Variants in MBD5 observed in about 807,000 individuals in gnomAD.
MBD5 encodes the protein methyl-CpG binding domain protein 5, also known as methyl-CpG-binding domain protein 5.
Under a neutral mutation model 117.3 loss-of-function variants are expected in MBD5, and 13 were observed. That is an observed-to-expected ratio of 0.11 (90% CI 0.07 to 0.18). The LOEUF (loss-of-function observed/expected upper bound fraction) is 0.18, where lower values mean the gene tolerates loss of function less well. Ranked by LOEUF, MBD5 falls within the 10% of genes least tolerant of loss-of-function variation. The pLI is 1.00. For synonymous variants in MBD5, 727 were observed against 766.4 expected (o/e 0.95, Z 0.85); for missense variants, 1,879 against 2,093.8 (o/e 0.90, Z 2.00).
chr2:148,419,569 G>A (rs1441705412), intron 4 of MBD5, among the ~76,000 whole-genome samples: 1 of 152,012 alleles, frequency 6.6e-6, no homozygotes, highest in Non-Finnish European at 1.5e-5. Context: ...TGCCACCAGT[G>A]TCATAACTAA....
Position 148,458,507 on chromosome 2 carries a change from T to TCCACACGACGCTGCCA in MBD5, c.-252_-251insCCACACGACGCTGCCA. ...TTCCTTAGTCAGAAGCACTCATTTT[T>TCCACACGACGCTGCCA]ACCCATGTAGACCATCCTTAGGAAT... On this transcript the variant is annotated 5_prime_UTR_variant, in exon 5 of 14. An upstream open reading frame in the 5' UTR loses its in-frame stop. Transcript: ENST00000642680. The TCCACACGACGCTGCCA allele has an allele frequency of 1.7e-6, 1 of 589,020 alleles. No individual in the cohort carries two copies. The allele number at this position is 589,020 out of a possible 1,614,324, so 36.5% of individuals were successfully genotyped here.
At chr2:148,147,643 T>G (rs1011695664) in intron 1 of MBD5, among the ~76,000 whole-genome samples, 1 of 152,172 alleles carries the variant, frequency 6.6e-6, no homozygotes, top group Non-Finnish European at 1.5e-5. Context: ...TTGCTATGTG[T>G]TTTTTGAGTT....
intron 1 of MBD5, among the ~76,000 whole-genome samples, chr2:148,086,138 CT>C (rs1048223559): frequency 1.3e-5 from 2 of 151,418 alleles, no homozygotes; most frequent in African/African-American, 4.9e-5. Context: ...ACTATATAGC[CT>C]TTCTAAAATT....
intron 2 of MBD5, among the ~76,000 whole-genome samples, chr2:148,228,046 T>C (rs1268458614): frequency 1.3e-5 from 2 of 152,262 alleles, no homozygotes; most frequent in African/African-American, 4.8e-5. Context: ...TACAATCATG[T>C]CCTCTGCAAA....
Position 148,499,711 on chromosome 2 carries a change from A to C in MBD5, c.4963-2725A>C, listed in dbSNP as rs1222882587. ...TTTCCTGGTCCTTTTTAAAATTTAC[A>C]AGTTAGCTAAGTAATTTACAAGGGA... On this transcript the variant is annotated intron_variant, in intron 11 of 13. Transcript: ENST00000642680. Among the ~76,000 whole-genome samples, 3 of 152,190 alleles carry C rather than the reference A, an allele frequency of 2.0e-5. No homozygotes were observed. The East Asian group carries it at 5.8e-4, about 29-fold the overall frequency.
At chr2:148,256,440 A>T (rs556008625) in intron 3 of MBD5, among the ~76,000 whole-genome samples, 4 of 152,210 alleles carry the variant, frequency 2.6e-5, no homozygotes, top group Non-Finnish European at 5.9e-5. Flanking sequence ...CATTTCCCAG[A>T]GGTCTTGCCA....
At chr2:148,030,065 G>C (rs2105580638) in intron 1 of MBD5, among the ~76,000 whole-genome samples, 1 of 152,280 alleles carries the variant, frequency 6.6e-6, no homozygotes, top group South Asian at 2.1e-4. Flanking sequence ...GAGGTCAGGA[G>C]TTCATGACCA....
intron 2 of MBD5, among the ~76,000 whole-genome samples, chr2:148,201,616 C>G (rs545023686): frequency 1.3e-5 from 2 of 152,096 alleles, no homozygotes; most frequent in East Asian, 1.9e-4. Flanking sequence ...CGCGTTCAGT[C>G]GGTCCGAAGT....
intron 4 of MBD5, among the ~76,000 whole-genome samples, chr2:148,381,243 C>G (rs1212348316): frequency 6.6e-6 from 1 of 152,100 alleles, no homozygotes. Flanking sequence ...GAATGGATAA[C>G]TAGAATAACC....
At chr2:148,189,064 C>T (rs958585549) in intron 2 of MBD5, among the ~76,000 whole-genome samples, 1 of 142,112 alleles carries the variant, frequency 7.0e-6, no homozygotes, top group African/African-American at 2.7e-5. Flanking sequence ...TAAGAAACGG[C>T]GCACCACGAG....
intron 4 of MBD5, among the ~76,000 whole-genome samples, chr2:148,400,010 G>C (rs1217575247): frequency 3.3e-5 from 5 of 152,088 alleles, no homozygotes; most frequent in East Asian, 3.9e-4. Context: ...AAGCCCACTT[G>C]ATCATGGTGG....
intron 1 of MBD5, among the ~76,000 whole-genome samples, chr2:148,101,214 G>T (rs1696207563): frequency 6.6e-6 from 1 of 152,132 alleles, no homozygotes; most frequent in South Asian, 2.1e-4. Flanking sequence ...GCTTTGGGAG[G>T]CTGAGGCAGG....
intron 3 of MBD5, among the ~76,000 whole-genome samples, chr2:148,297,720 T>G (rs1166291580): frequency 6.6e-6 from 1 of 152,202 alleles, no homozygotes; most frequent in African/African-American, 2.4e-5. Flanking sequence ...TCTGTTTTGT[T>G]TAATAACTGA....
intron 1 of MBD5, among the ~76,000 whole-genome samples, chr2:148,166,952 G>A (rs921976667): frequency 2.6e-5 from 4 of 151,754 alleles, no homozygotes; most frequent in Non-Finnish European, 5.9e-5. Flanking sequence ...TTTAATTGGG[G>A]GTTTTGTTTC....
intron 4 of MBD5, among the ~76,000 whole-genome samples, chr2:148,378,376 G>A (rs972988811): frequency 4.6e-5 from 7 of 152,074 alleles, no homozygotes; most frequent in Admixed American, 1.3e-4. Flanking sequence ...TTAGGAGCCT[G>A]CCTTTCCAAA....
At chr2:148,420,471 G>C (rs951198291) in intron 4 of MBD5, among the ~76,000 whole-genome samples, 1 of 152,112 alleles carries the variant, frequency 6.6e-6, no homozygotes, top group Non-Finnish European at 1.5e-5. Flanking sequence ...TGACAGAGAA[G>C]TTGCAATAAT....
At chr2:148,250,158 G>T (rs897711297) in intron 3 of MBD5, among the ~76,000 whole-genome samples, 1 of 152,120 alleles carries the variant, frequency 6.6e-6, no homozygotes, top group Non-Finnish European at 1.5e-5. Flanking sequence ...CATGTCTTTT[G>T]TTGGAACATG....
At chr2:148,056,111 G>T (rs1458927293) in intron 1 of MBD5, 3 of 152,018 alleles carry the variant, frequency 2.0e-5, no homozygotes, top group African/African-American at 7.2e-5. Flanking sequence ...ACTTTCTTAT[G>T]TGTAGTCTTG....
At chr2:148,111,540 A>C (rs1450501439) in intron 1 of MBD5, among the ~76,000 whole-genome samples, 1 of 152,206 alleles carries the variant, frequency 6.6e-6, no homozygotes. Context: ...GACACTTTGC[A>C]GGCAAATGGA....
Sources: gnomAD v4.1 joint callset for allele counts (sites outside exome capture counted in the v4.1 genomes callset) on GRCh38, gnomAD v4.1.1 for gene constraint, MANE v1.5 for transcripts, NCBI Gene and HGNC (gene_info 2026-07-23, HGNC 2026-07-21) for gene names.